Variants in EFL1 observed in about 807,000 individuals in gnomAD.
EFL1 encodes elongation factor like GTPase 1, also known as elongation factor-like GTPase 1.
In EFL1, 76 loss-of-function variants were observed where a neutral mutation model predicts 126.7. That is an observed-to-expected ratio of 0.60 (90% confidence interval 0.50 to 0.73). The LOEUF (loss-of-function observed/expected upper bound fraction) is 0.73. EFL1 is among the 30% of genes least tolerant of loss of function. The pLI is 0.00. For synonymous variants in EFL1, 410 were observed against 448.4 expected, an observed-to-expected ratio of 0.91 and a Z score of 1.08; for missense variants, 1,128 against 1,343.2, an observed-to-expected ratio of 0.84 and a Z score of 2.50.
chr15:82,134,048 C>A (rs899755525), intron 19 of EFL1, among the ~76,000 whole-genome samples: 4 of 152,152 alleles, frequency 2.6e-5, no homozygotes, highest in African/African-American at 9.7e-5. Flanking sequence ...CGATCTTGGG[C>A]AGCTTATTTC....
chr15:82,181,923 G>A (rs1238472069), intron 15 of EFL1, among the ~76,000 whole-genome samples: 4 of 151,794 alleles, frequency 2.6e-5, no homozygotes, highest in Admixed American at 6.6e-5. Flanking sequence ...AGTTCCCTCC[G>A]TGCTCCATGT....
chr15:82,229,524 T>G (rs1265096904), intron 8 of EFL1, among the ~76,000 whole-genome samples: 1 of 152,286 alleles, frequency 6.6e-6, no homozygotes, highest in Admixed American at 6.5e-5. Context: ...TAGGAAAATT[T>G]TGAAAACCCA....
At chr15:82,164,092 T>C (rs2074052194) in intron 15 of EFL1, 108 bp from the exon 16 acceptor site, 2 of 1,384,044 alleles carry the variant, frequency 1.4e-6, no homozygotes, top group Middle Eastern at 2.1e-4. Context: ...GCCAAATGCT[T>C]CCAAAATGTT....
At chr15:82,181,998 G>A (rs1008780259) in intron 15 of EFL1, among the ~76,000 whole-genome samples, 3 of 152,138 alleles carry the variant, frequency 2.0e-5, no homozygotes, top group Admixed American at 1.3e-4. Context: ...GGTGGCTCAC[G>A]CCTGTAATCC....
chr15:82,230,718 C>T, intron 8 of EFL1, 130 bp downstream of exon 8: 1 of 1,076,822 alleles, frequency 9.3e-7, no homozygotes, highest in Non-Finnish European at 1.3e-6. Context: ...CAATTATATA[C>T]AGTAAAAAAT....
intron 13 of EFL1, 77 bp from the exon 14 acceptor site, chr15:82,219,895 G>GTGAATA (rs1438698559): frequency 6.6e-7 from 1 of 1,515,788 alleles, no homozygotes; most frequent in Non-Finnish European, 8.8e-7. Flanking sequence ...AGAAGGAGGA[G>GTGAATA]TGAATATGAT....
At chr15:82,234,394 A>C (rs888201019) in intron 7 of EFL1, among the ~76,000 whole-genome samples, 15 of 152,210 alleles carry the variant, frequency 9.9e-5, no homozygotes, top group Non-Finnish European at 2.2e-4. Context: ...TGATAATGAC[A>C]ACCCATCAAC....
chr15:82,153,685 C>T (rs541168944), intron 17 of EFL1, among the ~76,000 whole-genome samples: 4 of 152,240 alleles, frequency 2.6e-5, no homozygotes, highest in East Asian at 1.9e-4. Flanking sequence ...TGAAGTTACT[C>T]AGTACATTAA....
intron 15 of EFL1, among the ~76,000 whole-genome samples, chr15:82,211,283 T>G (rs1208965888): frequency 1.3e-5 from 2 of 151,668 alleles, no homozygotes; most frequent in Non-Finnish European, 2.9e-5. Context: ...TCCCAGCACG[T>G]TGGGAGGCCG....
intron 4 of EFL1, among the ~76,000 whole-genome samples, chr15:82,245,665 G>A (rs1014303011): frequency 2.6e-5 from 4 of 152,034 alleles, no homozygotes; most frequent in Non-Finnish European, 4.4e-5. Context: ...ATGGGGTCAG[G>A]CACAGTGGCT....
intron 14 of EFL1, among the ~76,000 whole-genome samples, chr15:82,216,237 AATAG>A (rs3031370): frequency 2.0e-5 from 3 of 152,200 alleles, no homozygotes; most frequent in South Asian, 2.1e-4. Context: ...GACCTAAATA[AATAG>A]ATAAATAAAC....
Position 82,220,119 on chromosome 15 carries a change from C to T in EFL1, c.1403G>A (p.Gly468Glu), listed in dbSNP as rs779000594. ...GQAPLEPTQD[G>E]SAIETCPKGE... is the part of the protein sequence containing the mutation. ...TTTTGGACATGTTTCAATGGCACTC[C>T]CATCTTGGGTGGGCTCCAAGGGTGC... Residue 468 changes from glycine (G) to glutamate (E), a missense_variant, in exon 13 of 20, where the codon GGG becomes GAG. By Grantham distance (98) the Gly-to-Glu change is moderately conservative. This residue lies in a region of EFL1 where 120 missense variants were observed against 142.1 expected (regional missense o/e 0.84). Coordinates refer to ENST00000268206, the MANE Select transcript of EFL1 (RefSeq NM_024580.6). The T allele has an allele frequency of 1.2e-6, 2 of 1,613,468 alleles. No individual in the cohort carries two copies. The highest frequency in any genetic ancestry group is 1.1e-5 in the South Asian group (1 of 90,978).
chr15:82,236,333 G>T (rs2074872599), intron 7 of EFL1, among the ~76,000 whole-genome samples: 1 of 152,078 alleles, frequency 6.6e-6, no homozygotes, highest in Admixed American at 6.6e-5. Context: ...AAATTTACAT[G>T]GAAAGGCAAA....
chr15:82,259,658 G>A (rs1197771612), intron 2 of EFL1, among the ~76,000 whole-genome samples: 2 of 152,182 alleles, frequency 1.3e-5, no homozygotes, highest in Non-Finnish European at 2.9e-5. Flanking sequence ...TATATTTATA[G>A]TTACTTTTAT....
At chr15:82,260,742 C>A (rs1379943705) in intron 2 of EFL1, among the ~76,000 whole-genome samples, 1 of 152,192 alleles carries the variant, frequency 6.6e-6, no homozygotes, top group Non-Finnish European at 1.5e-5. Flanking sequence ...GGTTGTCTAA[C>A]TCCAGAGCTG....
At position 82,196,812 on chromosome 15, in the gene EFL1, T is replaced by C. The variant is rs187694411; in HGVS notation, c.1750+17905A>G. Among the ~76,000 whole-genome samples, 13 of 152,276 alleles carry C rather than the reference T, an allele frequency of 8.5e-5. No individual in the cohort carries two copies. In the East Asian group the frequency reaches 2.5e-3, roughly 29 times the overall value. On this transcript the variant is annotated intron_variant, in intron 15 of 19. Coordinates refer to ENST00000268206, the MANE Select transcript of EFL1 (RefSeq NM_024580.6). ...ACTTTGGGAGGCCAAGGCGGGCGGATCACGAGGTCAGGAGTTCGAGACCAG... is the reference window on the plus strand; with the variant it reads ...ACTTTGGGAGGCCAAGGCGGGCGGACCACGAGGTCAGGAGTTCGAGACCAG...
intron 15 of EFL1, among the ~76,000 whole-genome samples, chr15:82,176,459 G>A (rs895651648): frequency 3.3e-5 from 5 of 152,112 alleles, no homozygotes; most frequent in African/African-American, 1.2e-4. Context: ...CTTTTATGCA[G>A]AATATATAAA....
Position 82,234,049 on chromosome 15 carries a change from A to G in EFL1, c.732-3078T>C, listed in dbSNP as rs1011153080. Among the ~76,000 whole-genome samples, 6 of 152,230 alleles carry G rather than the reference A, an allele frequency of 3.9e-5. No individual in the cohort carries two copies. The South Asian group carries it at 8.3e-4, about 21-fold the overall frequency. On this transcript the variant is annotated intron_variant, in intron 7 of 19. Transcript: ENST00000268206. ...CATTTATTGGCTGATAGTATCTAAA[A>G]ATGTCAAAAGTAAGGGCTATGTAAA...
chr15:82,139,405 T>A (rs2073760752), intron 18 of EFL1, among the ~76,000 whole-genome samples: 1 of 152,190 alleles, frequency 6.6e-6, no homozygotes, highest in East Asian at 1.9e-4. Context: ...CCCTGAAAAC[T>A]GATAGGTTTG....
Sources: gnomAD v4.1 joint callset for allele counts (sites outside exome capture counted in the v4.1 genomes callset) on GRCh38, gnomAD v4.1.1 for gene constraint, gnomAD v4.1.1 regional missense constraint, MANE v1.5 for transcripts, NCBI Gene and HGNC (gene_info 2026-07-23, HGNC 2026-07-21) for gene names.